Variants in ANKH observed in about 807,000 individuals in gnomAD.
ANKH encodes the protein mineralization regulator ANKH.
Under a neutral mutation model 49.0 loss-of-function variants are expected in ANKH, and 15 were observed. That is an observed-to-expected ratio of 0.31 (90% CI 0.20 to 0.47). ANKH has a LOEUF of 0.47. ANKH is among the 20% of genes least tolerant of loss of function. ANKH has a pLI of 1.00. For missense variants in ANKH, 429 were observed against 652.0 expected (o/e 0.66, Z 3.72); for synonymous variants, 273 against 260.0 (o/e 1.05, Z -0.48).
intron 9 of ANKH, among the ~76,000 whole-genome samples, chr5:14,714,253 A>G (rs1737357914): frequency 6.6e-6 from 1 of 151,976 alleles, no homozygotes; most frequent in Admixed American, 6.6e-5. Flanking sequence ...GTGTGCTGCC[A>G]TTTCACCAAG....
intron 8 of ANKH, among the ~76,000 whole-genome samples, chr5:14,739,877 G>A (rs144212439): frequency 6.6e-6 from 1 of 152,312 alleles, no homozygotes; most frequent in African/African-American, 2.4e-5. Flanking sequence ...TTTACCCTGA[G>A]AAACTTCAAG....
intron 1 of ANKH, among the ~76,000 whole-genome samples, chr5:14,829,515 C>T (rs1474267066): frequency 2.6e-5 from 4 of 152,174 alleles, no homozygotes; most frequent in Non-Finnish European, 5.9e-5. Flanking sequence ...CAAATCTTTA[C>T]TTTATAAATA....
chr5:14,788,807 T>C (rs1443385096), intron 1 of ANKH, among the ~76,000 whole-genome samples: 1 of 151,926 alleles, frequency 6.6e-6, no homozygotes, highest in East Asian at 1.9e-4. Context: ...CTGATCAAAA[T>C]GAGTGGAAAG....
intron 1 of ANKH, among the ~76,000 whole-genome samples, chr5:14,774,432 A>G (rs745405926): frequency 2.0e-5 from 3 of 151,166 alleles, no homozygotes; most frequent in Non-Finnish European, 4.4e-5. Context: ...TTTCCCATTC[A>G]TTATTATTAT....
intron 8 of ANKH, among the ~76,000 whole-genome samples, chr5:14,731,617 C>A (rs1051368293): frequency 1.3e-5 from 2 of 152,148 alleles, no homozygotes; most frequent in Non-Finnish European, 2.9e-5. Flanking sequence ...TAAAACTGTG[C>A]AAGGTTCCCA....
chr5:14,717,644 A>C (rs1737520607), intron 8 of ANKH, among the ~76,000 whole-genome samples: 1 of 152,236 alleles, frequency 6.6e-6, no homozygotes, highest in South Asian at 2.1e-4. Context: ...GACAGGAAAC[A>C]GGAGGTTAGT....
In ANKH at chr5:14,867,155, CAAAAAAAAA is replaced by C. The variant is rs774841903; in HGVS notation, c.96+4188_96+4196del. On this transcript the variant is annotated intron_variant, in intron 1 of 11. Transcript: ENST00000284268. ...CTGGGCAACAAGTGAGACTCAGTCT[CAAAAAAAAA>C]AAAAAAAAAAAAAATTCAATATACG... Among the ~76,000 whole-genome samples the C allele has an allele frequency of 4.3e-5, 3 of 69,264 alleles. 1 individual carries two copies. The highest frequency in any genetic ancestry group is 7.1e-4 in the East Asian group (2 of 2,824). 45.4% of individuals were successfully genotyped at this position (69,264 alleles called of 152,430 possible). A position where few individuals can be genotyped will look rare whatever the true frequency, so the allele number is the denominator to read the frequency against.
chr5:14,769,316 A>C (rs1394649612), intron 1 of ANKH, 125 bp from the exon 2 acceptor site: 1 of 783,314 alleles, frequency 1.3e-6, no homozygotes, highest in Non-Finnish European at 2.2e-6. Flanking sequence ...TATAGGGTGC[A>C]TCTCATGTAA....
rs748624413 is a variant in ANKH at position 14,755,850 on chromosome 5, A to C, written c.516+11T>G. On this transcript the variant is annotated intron_variant, in intron 4 of 11. Transcript: ENST00000284268. ...CTGAGGAGCTCTGATTGACACACAG[A>C]CCATATTTACCTGAGCTATGACATC... The C allele has an allele frequency of 5.6e-6, 9 of 1,613,214 alleles. No individual in the cohort carries two copies. In the South Asian group the frequency reaches 8.8e-5, roughly 16 times the overall value.
chr5:14,749,056 T>C, intron 6 of ANKH, 116 bp downstream of exon 6: 3 of 1,417,054 alleles, frequency 2.1e-6, no homozygotes, highest in South Asian at 1.2e-5. Context: ...GTGACTGTCA[T>C]GTAATTTAAT....
chr5:14,768,653 A>G, intron 2 of ANKH: 1 of 430,382 alleles, frequency 2.3e-6, no homozygotes. Context: ...ACCCAGTACA[A>G]TGACGCACAC....
intron 1 of ANKH, chr5:14,869,174 T>C (rs1735745303): frequency 6.6e-6 from 1 of 152,230 alleles, no homozygotes; most frequent in Non-Finnish European, 1.5e-5. Context: ...TCAGAAGAAT[T>C]GGGGTAAAGT....
At chr5:14,751,007 T>TG in intron 5 of ANKH, 62 bp downstream of exon 5, 1 of 1,585,232 alleles carries the variant, frequency 6.3e-7, no homozygotes, top group East Asian at 2.2e-5. Context: ...TACATAGAGG[T>TG]GGAATACAGT....
intron 1 of ANKH, among the ~76,000 whole-genome samples, chr5:14,840,266 T>C (rs560048752): frequency 6.6e-6 from 1 of 152,324 alleles, no homozygotes; most frequent in South Asian, 2.1e-4. Context: ...GAACAGTTTA[T>C]TTTTTCCTCT....
chr5:14,710,976 G>GT lies in ANKH; in HGVS notation c.*220dup. 1.8e-6 allele frequency: 1 copy of GT among 552,486 alleles called. No individual in the cohort carries two copies. Among genetic ancestry groups the GT allele is most frequent in the Non-Finnish European group, 3.3e-6 (1 of 306,086 alleles). 34.2% of individuals were successfully genotyped at this position (552,486 alleles called of 1,614,324 possible). ...GGGTATGAAGTCAGTTGTTTCGTTTGTTTTTACATAGCAACAGTAAAGACC... is the reference window on the plus strand; with the variant it reads ...GGGTATGAAGTCAGTTGTTTCGTTTGTTTTTTACATAGCAACAGTAAAGACC... On this transcript the variant is annotated 3_prime_UTR_variant, in exon 12 of 12. Coordinates refer to ENST00000284268, the MANE Select transcript of ANKH (RefSeq NM_054027.6).
chr5:14,741,467 C>G (rs76548783), intron 8 of ANKH: 12 of 257,854 alleles, frequency 4.7e-5, no homozygotes, highest in Non-Finnish European at 9.2e-5. Flanking sequence ...TGAAGTAACG[C>G]GGATTAAATT....
At chr5:14,763,180 T>C (rs150422593) in intron 2 of ANKH, among the ~76,000 whole-genome samples, 2 of 152,320 alleles carry the variant, frequency 1.3e-5, no homozygotes, top group African/African-American at 2.4e-5. Flanking sequence ...CCACATCCAA[T>C]AGGCAAATCT....
intron 1 of ANKH, among the ~76,000 whole-genome samples, chr5:14,842,579 A>C (rs1741843675): frequency 6.6e-6 from 1 of 152,190 alleles, no homozygotes; most frequent in Non-Finnish European, 1.5e-5. Context: ...CTCAAACTGC[A>C]TAAGACCTGG....
chr5:14,832,997 G>A (rs953871642), intron 1 of ANKH, among the ~76,000 whole-genome samples: 4 of 152,218 alleles, frequency 2.6e-5, no homozygotes, highest in African/African-American at 9.6e-5. Flanking sequence ...GGTGCTGAAT[G>A]TTTTCAATTT....
Sources: gnomAD v4.1 joint callset for allele counts (sites outside exome capture counted in the v4.1 genomes callset) on GRCh38, gnomAD v4.1.1 for gene constraint, MANE v1.5 for transcripts, NCBI Gene and HGNC (gene_info 2026-07-23, HGNC 2026-07-21) for gene names.